Variants in TRNAU1AP observed in about 807,000 individuals in gnomAD.
The protein encoded by TRNAU1AP is tRNA selenocysteine 1-associated protein 1.
Under a neutral mutation model 43.3 loss-of-function variants are expected in TRNAU1AP, and 33 were observed. That is an observed-to-expected ratio of 0.76 (90% confidence interval 0.58 to 1.02). The LOEUF (loss-of-function observed/expected upper bound fraction) is 1.02. Among genes scored for constraint, TRNAU1AP ranks in the 50% least tolerant of loss-of-function variants. The pLI, the probability that TRNAU1AP is intolerant of heterozygous loss-of-function variation, is 0.00. For synonymous variants in TRNAU1AP, 143 were observed against 129.1 expected (o/e 1.11, Z -0.73); for missense variants, 290 against 362.7 (o/e 0.80, Z 1.63).
chr1:28,555,374 C>G (rs1227182810), intron 2 of TRNAU1AP, among the ~76,000 whole-genome samples: 1 of 152,106 alleles, frequency 6.6e-6, no homozygotes, highest in Non-Finnish European at 1.5e-5. Context: ...GTAAACATAA[C>G]CAAATGCGTA....
chr1:28,572,496 G>A (rs1327587445), intron 8 of TRNAU1AP, among the ~76,000 whole-genome samples: 3 of 151,710 alleles, frequency 2.0e-5, no homozygotes, highest in Non-Finnish European at 2.9e-5. Context: ...GTGCCTGGCC[G>A]ATAATACTGT....
At chr1:28,568,868 G>A (rs986768969) in intron 6 of TRNAU1AP, among the ~76,000 whole-genome samples, 4 of 150,698 alleles carry the variant, frequency 2.7e-5, no homozygotes, top group East Asian at 1.9e-4. Context: ...CTGGAATGCA[G>A]TGGCGTGATC....
chr1:28,560,562 C>T, intron 2 of TRNAU1AP, 71 bp from the exon 3 acceptor site: 1 of 1,265,668 alleles, frequency 7.9e-7, no homozygotes, highest in South Asian at 1.2e-5. Flanking sequence ...ATGCGTGAGC[C>T]ATCACGCCTG....
At chr1:28,554,798 C>T (rs1033229923) in intron 2 of TRNAU1AP, among the ~76,000 whole-genome samples, 8 of 150,002 alleles carry the variant, frequency 5.3e-5, no homozygotes, top group Admixed American at 4.0e-4. Flanking sequence ...GAGCCGAGAT[C>T]GCTCCACTCC....
chr1:28,562,861 G>C (rs967690133), intron 4 of TRNAU1AP, among the ~76,000 whole-genome samples: 4 of 147,442 alleles, frequency 2.7e-5, no homozygotes, highest in African/African-American at 1.0e-4. Context: ...GATTACAGGC[G>C]TGAGCCATCG....
chr1:28,567,457 A>G (rs1229813839), intron 6 of TRNAU1AP, 44 bp downstream of exon 6: 2 of 1,551,424 alleles, frequency 1.3e-6, no homozygotes, highest in African/African-American at 2.8e-5. Context: ...ACTCCCCTCC[A>G]GACACTCCTC....
intron 2 of TRNAU1AP, among the ~76,000 whole-genome samples, chr1:28,557,865 G>A (rs1440028047): frequency 1.3e-5 from 2 of 151,382 alleles, no homozygotes; most frequent in Non-Finnish European, 2.9e-5. Flanking sequence ...GGGATTACAG[G>A]CGTGAGCCAC....
At position 28,553,567 on chromosome 1, in the gene TRNAU1AP, G is replaced by C. The variant is rs539466158; in HGVS notation, c.28-73G>C. On this transcript the variant is annotated intron_variant, in intron 1 of 8. Transcript: ENST00000373830. ...GCGCGTAGCCAGCCCTGGGCTGAACGGGAGGGGCTCTGGAACCCGGAGTGG... is the reference window on the plus strand; with the variant it reads ...GCGCGTAGCCAGCCCTGGGCTGAACCGGAGGGGCTCTGGAACCCGGAGTGG... The C allele has an allele frequency of 2.7e-5, 39 of 1,438,374 alleles. No individual in the cohort carries two copies. In the South Asian group the frequency reaches 4.5e-4, roughly 17 times the overall value. 89.1% of individuals were successfully genotyped at this position (1,438,374 alleles called of 1,614,324 possible).
intron 6 of TRNAU1AP, among the ~76,000 whole-genome samples, chr1:28,568,892 G>T (rs1480928318): frequency 1.3e-5 from 2 of 151,062 alleles, no homozygotes; most frequent in African/African-American, 4.9e-5. Context: ...ACTCACTTCA[G>T]CTTCCACCTC....
Position 28,564,792 on chromosome 1 carries a change from G to T in TRNAU1AP, c.368G>T (p.Cys123Phe). 6.2e-7 allele frequency: 1 copy of T among 1,614,152 alleles called. No individual in the cohort carries two copies. The highest frequency in any genetic ancestry group is 8.5e-7 in the Non-Finnish European group (1 of 1,180,024). ...YEFFVKVYPSCRGGKVVLDQT... is the reference protein window; with the variant it reads ...YEFFVKVYPSFRGGKVVLDQT... Reference sequence around the variant, plus strand: ...TTCTTCGTCAAAGTCTACCCCTCCTGTCGGGGAGGCAAGGTGGTTTTGGAC... The same window carrying T: ...TTCTTCGTCAAAGTCTACCCCTCCTTTCGGGGAGGCAAGGTGGTTTTGGAC... Residue 123 changes from cysteine (C) to phenylalanine (F), a missense_variant, in exon 5 of 9, where the codon TGT becomes TTT. Transcript: ENST00000373830.
At chr1:28,573,467 C>T (rs1042390160) in intron 8 of TRNAU1AP, among the ~76,000 whole-genome samples, 5 of 150,928 alleles carry the variant, frequency 3.3e-5, no homozygotes, top group South Asian at 2.1e-4. Flanking sequence ...GGTGAAACCC[C>T]GTCTCTACTA....
intron 2 of TRNAU1AP, among the ~76,000 whole-genome samples, chr1:28,557,263 C>T (rs952927296): frequency 1.9e-4 from 28 of 151,044 alleles, no homozygotes; most frequent in Non-Finnish European, 3.4e-4. Context: ...ACTAAAAATA[C>T]AAGAAAATTA....
intron 2 of TRNAU1AP, among the ~76,000 whole-genome samples, chr1:28,557,021 C>G (rs923627048): frequency 6.7e-6 from 1 of 148,382 alleles, no homozygotes; most frequent in African/African-American, 2.5e-5. Context: ...ACTGTGTTGG[C>G]CAGGCTAGCC....
At chr1:28,568,813 A>ATT (rs34038529) in intron 6 of TRNAU1AP, among the ~76,000 whole-genome samples, 18 of 138,102 alleles carry the variant, frequency 1.3e-4, no homozygotes, top group Non-Finnish European at 2.5e-4. Context: ...TAGTTGAACT[A>ATT]TTTTTTTTTT....
Position 28,553,830 on chromosome 1 carries a change from T to G in TRNAU1AP, c.125+93T>G, listed in dbSNP as rs545502061. The G allele has an allele frequency of 2.5e-4, 266 of 1,076,290 alleles. No individual in the cohort carries two copies. In the African/African-American group the frequency reaches 4.0e-3, roughly 16 times the overall value. The allele number at this position is 1,076,290 out of a possible 1,614,324, so 66.7% of individuals were successfully genotyped here. A position where few individuals can be genotyped will look rare whatever the true frequency, so the allele number is the denominator to read the frequency against. On this transcript the variant is annotated intron_variant, in intron 2 of 8. Transcript: ENST00000373830. The stretch of plus-strand genomic sequence containing the variant: ...CGTAGTCATGGCTTCTCACTACCCC[T>G]AGTAATAGTCACTGTAAAATTATAA...
At chr1:28,575,033 C>T (rs944413409) in intron 8 of TRNAU1AP, among the ~76,000 whole-genome samples, 3 of 152,134 alleles carry the variant, frequency 2.0e-5, no homozygotes, top group Non-Finnish European at 4.4e-5. Context: ...CAGGACAGTC[C>T]GGTCTTTTTA....
chr1:28,566,262 C>G (rs1387050297), intron 5 of TRNAU1AP, among the ~76,000 whole-genome samples: 1 of 150,076 alleles, frequency 6.7e-6, no homozygotes, highest in African/African-American at 2.5e-5. Flanking sequence ...TTGCAGTGAG[C>G]CAAGATCGTG....
At chr1:28,559,178 TCTC>T (rs1665349166) in intron 2 of TRNAU1AP, among the ~76,000 whole-genome samples, 1 of 151,916 alleles carries the variant, frequency 6.6e-6, no homozygotes, top group South Asian at 2.1e-4. Flanking sequence ...TTCAAGCAAT[TCTC>T]CTGCCTCAGC....
intron 2 of TRNAU1AP, among the ~76,000 whole-genome samples, chr1:28,560,292 T>TG (rs1665376838): frequency 6.6e-6 from 1 of 151,546 alleles, no homozygotes; most frequent in Non-Finnish European, 1.5e-5. Context: ...TTTTTTTTTT[T>TG]TTTTAAAACA....
Sources: gnomAD v4.1 joint callset for allele counts (sites outside exome capture counted in the v4.1 genomes callset) on GRCh38, gnomAD v4.1.1 for gene constraint, MANE v1.5 for transcripts, NCBI Gene and HGNC (gene_info 2026-07-23, HGNC 2026-07-21) for gene names.